UXS1: variants seen among roughly 807,000 people sequenced by gnomAD.
UXS1 encodes UDP-glucuronic acid decarboxylase 1.
A neutral mutation model predicts 62.6 loss-of-function variants in UXS1; 33 were observed. The ratio of observed to expected loss-of-function variants is 0.53; its 90% CI spans 0.40 to 0.70. UXS1 has a LOEUF of 0.70. Ranked by LOEUF, UXS1 falls within the 30% of genes least tolerant of loss-of-function variation. The pLI, the probability that UXS1 is intolerant of heterozygous loss-of-function variation, is 0.00. For missense variants in UXS1, 434 were observed against 556.3 expected (o/e 0.78, Z 2.21); for synonymous variants, 213 against 206.8 (o/e 1.03, Z -0.26).
chr2:106,165,643 G>C (rs1273652067), intron 2 of UXS1, among the ~76,000 whole-genome samples: 1 of 152,120 alleles, frequency 6.6e-6, no homozygotes, highest in African/African-American at 2.4e-5. Context: ...GGTGGTCTCT[G>C]CATCGATACC....
intron 9 of UXS1, among the ~76,000 whole-genome samples, chr2:106,119,504 C>T (rs1679345178): frequency 6.6e-6 from 1 of 152,204 alleles, no homozygotes; most frequent in Admixed American, 6.5e-5. Flanking sequence ...GAGCACGCAG[C>T]AGGCATTCCA....
At chr2:106,143,531 G>A (rs192073202) in intron 6 of UXS1, among the ~76,000 whole-genome samples, 255 of 150,798 alleles carry the variant, frequency 1.7e-3, no homozygotes, top group Admixed American at 4.6e-3. Flanking sequence ...CAAATTTAGA[G>A]GCTCAAAAAA....
intron 1 of UXS1, among the ~76,000 whole-genome samples, chr2:106,167,382 G>A (rs548172482): frequency 1.3e-5 from 2 of 152,240 alleles, no homozygotes; most frequent in East Asian, 3.9e-4. Flanking sequence ...CCCTGTCCCG[G>A]GCTGTTAAAT....
intron 8 of UXS1, among the ~76,000 whole-genome samples, chr2:106,125,275 A>G (rs1679838030): frequency 6.6e-6 from 1 of 152,236 alleles, no homozygotes; most frequent in African/African-American, 2.4e-5. Context: ...CATGACTCAC[A>G]TAGAAGAATG....
At chr2:106,101,266 T>A in intron 11 of UXS1, 148 bp from the exon 12 acceptor site, 1 of 719,808 alleles carries the variant, frequency 1.4e-6, no homozygotes, top group Non-Finnish European at 2.3e-6. Context: ...AACAAAATCC[T>A]ACAAACTAAG....
At chr2:106,160,456 C>T (rs1449368773) in intron 4 of UXS1, 1 of 152,206 alleles carries the variant, frequency 6.6e-6, no homozygotes, top group Non-Finnish European at 1.5e-5. Flanking sequence ...TCCTTCTCTA[C>T]CGTGTATATG....
At chr2:106,144,247 T>A (rs139093788) in intron 6 of UXS1, among the ~76,000 whole-genome samples, 9 of 152,158 alleles carry the variant, frequency 5.9e-5, no homozygotes, top group African/African-American at 2.2e-4. Context: ...CCAAAATGAA[T>A]CCTAAACAGA....
intron 9 of UXS1, among the ~76,000 whole-genome samples, chr2:106,117,778 C>T (rs1352176775): frequency 1.3e-5 from 2 of 152,236 alleles, no homozygotes; most frequent in African/African-American, 2.4e-5. Flanking sequence ...AACCCCCTAA[C>T]TCCCCTAGGG....
chr2:106,123,300 G>GA (rs869205248), intron 8 of UXS1, among the ~76,000 whole-genome samples: 1 of 78,550 alleles, frequency 1.3e-5, no homozygotes, highest in African/African-American at 3.9e-5. Flanking sequence ...ACTTACAGGG[G>GA]AAAAAAAAAA....
At chr2:106,099,146 T>C (rs1677376435) in intron 12 of UXS1, among the ~76,000 whole-genome samples, 1 of 152,140 alleles carries the variant, frequency 6.6e-6, no homozygotes, top group Non-Finnish European at 1.5e-5. Context: ...CACTATCTAT[T>C]CCCGTCTGGG....
intron 5 of UXS1, among the ~76,000 whole-genome samples, chr2:106,155,003 C>G (rs967302092): frequency 1.3e-5 from 2 of 152,138 alleles, no homozygotes; most frequent in African/African-American, 4.8e-5. Context: ...TAAGGGGGAG[C>G]AGGCATGTCA....
At chr2:106,108,103 C>A (rs1469742182) in intron 10 of UXS1, among the ~76,000 whole-genome samples, 1 of 152,216 alleles carries the variant, frequency 6.6e-6, no homozygotes, top group Non-Finnish European at 1.5e-5. Flanking sequence ...GCCTGGAATA[C>A]TTCCTTCCTC....
At chr2:106,163,287 C>T (rs1245787980) in intron 4 of UXS1, among the ~76,000 whole-genome samples, 1 of 151,406 alleles carries the variant, frequency 6.6e-6, no homozygotes, top group East Asian at 2.0e-4. Context: ...ACACATGACA[C>T]ACCATAGGCT....
intron 10 of UXS1, among the ~76,000 whole-genome samples, chr2:106,107,199 T>C (rs1678159888): frequency 6.6e-6 from 1 of 152,164 alleles, no homozygotes; most frequent in Non-Finnish European, 1.5e-5. Context: ...GCTGCTTGTT[T>C]TGCACCTTCC....
At chr2:106,155,734 C>T (rs566044425) in intron 5 of UXS1, among the ~76,000 whole-genome samples, 119 of 152,250 alleles carry the variant, frequency 7.8e-4, no homozygotes, top group Admixed American at 1.2e-3. Flanking sequence ...CAGAATGTAT[C>T]CCCACTGTTA....
chr2:106,141,517 G>C (rs1681094394), intron 6 of UXS1, among the ~76,000 whole-genome samples: 1 of 147,254 alleles, frequency 6.8e-6, no homozygotes, highest in African/African-American at 2.5e-5. Flanking sequence ...CTGGAGTGCG[G>C]TGCAGTCATG....
At chr2:106,106,715 T>C (rs1280358864) in intron 10 of UXS1, among the ~76,000 whole-genome samples, 1 of 152,206 alleles carries the variant, frequency 6.6e-6, no homozygotes, top group Non-Finnish European at 1.5e-5. Context: ...ATACTTCTGA[T>C]ACATGTGAGG....
Position 106,183,356 on chromosome 2 carries a change from G to C in UXS1, c.94+10792C>G, listed in dbSNP as rs1684366584. ...TAAAAATACTATAAAAATATTCAAA[G>C]ATACTAAGAATAACATTCCAAGATC... On this transcript the variant is annotated intron_variant, in intron 1 of 14. Transcript: ENST00000283148. 3 of 151,548 alleles carry C rather than the reference G, an allele frequency of 2.0e-5. No homozygotes were observed. In the South Asian group the frequency reaches 6.2e-4, roughly 31 times the overall value. 9.4% of individuals were successfully genotyped at this position (151,548 alleles called of 1,614,324 possible).
intron 1 of UXS1, among the ~76,000 whole-genome samples, chr2:106,192,491 G>A (rs569350833): frequency 5.9e-5 from 9 of 151,452 alleles, no homozygotes; most frequent in Middle Eastern, 3.2e-3. Context: ...GAGGTGGAGC[G>A]TGCAGTGAGC....
Sources: allele counts gnomAD v4.1 joint callset (sites outside exome capture counted in the v4.1 genomes callset), GRCh38; gene constraint gnomAD v4.1.1; transcripts MANE v1.5; gene names NCBI Gene and HGNC (gene_info 2026-07-23, HGNC 2026-07-21).